Variants in RBMS3 observed in about 807,000 individuals in gnomAD.
RBMS3 encodes the protein RNA binding motif single stranded interacting protein 3, also known as RNA-binding motif, single-stranded-interacting protein 3.
In RBMS3, 27 loss-of-function variants were observed where a neutral mutation model predicts 66.8. That is an observed-to-expected ratio of 0.40 (90% CI 0.30 to 0.56). The LOEUF is 0.56. RBMS3 is among the 20% of genes least tolerant of loss of function. The pLI is 0.40. For missense variants in RBMS3, 513 were observed against 549.5 expected, an observed-to-expected ratio of 0.93 and a Z score of 0.66; for synonymous variants, 188 against 183.0, an observed-to-expected ratio of 1.03 and a Z score of -0.22.
chr3:29,710,977 G>A (rs56243927), intron 4 of RBMS3, among the ~76,000 whole-genome samples: 30,935 of 151,960 alleles, frequency 0.2, 3,847 homozygotes, highest in South Asian at 0.3. Flanking sequence ...ACTGTTCCAC[G>A]CATTAAATAT....
At chr3:29,721,160 A>G (rs1361740415) in intron 4 of RBMS3, among the ~76,000 whole-genome samples, 1 of 152,164 alleles carries the variant, frequency 6.6e-6, no homozygotes, top group Non-Finnish European at 1.5e-5. Flanking sequence ...TTTTGGTTAT[A>G]CAAGTTAGCT....
intron 2 of RBMS3, among the ~76,000 whole-genome samples, chr3:29,459,884 G>A (rs1350043677): frequency 2.0e-5 from 3 of 152,194 alleles, no homozygotes; most frequent in Non-Finnish European, 1.5e-5. Context: ...GTTAGAGTGT[G>A]CATTGAAACA....
intron 4 of RBMS3, among the ~76,000 whole-genome samples, chr3:29,655,299 G>T (rs1245317698): frequency 6.6e-6 from 1 of 152,160 alleles, no homozygotes; most frequent in East Asian, 1.9e-4. Context: ...AGTTATAAAA[G>T]AAGAAACTAG....
At chr3:29,484,075 C>T (rs2043236295) in intron 2 of RBMS3, among the ~76,000 whole-genome samples, 1 of 152,192 alleles carries the variant, frequency 6.6e-6, no homozygotes, top group Non-Finnish European at 1.5e-5. Context: ...TGTTATCATA[C>T]ACAAATGTTA....
intron 3 of RBMS3, among the ~76,000 whole-genome samples, chr3:29,572,487 A>AT (rs1055900739): frequency 2.0e-5 from 3 of 152,130 alleles, no homozygotes; most frequent in East Asian, 3.9e-4. Flanking sequence ...GAGATGTTCA[A>AT]TTTTTTCAAA....
chr3:29,555,610 A>G (rs2046332099), intron 3 of RBMS3, among the ~76,000 whole-genome samples: 1 of 152,212 alleles, frequency 6.6e-6, no homozygotes, highest in Admixed American at 6.5e-5. Context: ...ATCAAAATGC[A>G]AAATAGAATC....
chr3:29,497,419 T>C (rs952792359), intron 3 of RBMS3, among the ~76,000 whole-genome samples: 17 of 152,260 alleles, frequency 1.1e-4, no homozygotes, highest in African/African-American at 3.9e-4. Context: ...TACTAATCCA[T>C]GTTATCTGAC....
chr3:29,728,440 T>G (rs1387420520), intron 4 of RBMS3, among the ~76,000 whole-genome samples: 1 of 152,148 alleles, frequency 6.6e-6, no homozygotes, highest in Non-Finnish European at 1.5e-5. Flanking sequence ...GACATTCTTT[T>G]AAAATAAAAA....
intron 1 of RBMS3, among the ~76,000 whole-genome samples, chr3:29,415,033 A>G (rs566612023): frequency 6.6e-6 from 1 of 152,336 alleles, no homozygotes; most frequent in South Asian, 2.1e-4. Flanking sequence ...TGAGAAGGAC[A>G]ATTCCCAGAC....
intron 4 of RBMS3, among the ~76,000 whole-genome samples, chr3:29,688,371 A>G (rs1231964694): frequency 6.6e-6 from 1 of 152,020 alleles, no homozygotes; most frequent in African/African-American, 2.4e-5. Context: ...GTCAGTTTAG[A>G]AGAGGGCAAA....
At chr3:29,637,335 T>C (rs1440509) in intron 4 of RBMS3, among the ~76,000 whole-genome samples, 11,920 of 151,834 alleles carry the variant, frequency 0.079, 825 homozygotes, top group East Asian at 0.35. Context: ...CCTTAGTTGA[T>C]ATGCTCTACC....
intron 6 of RBMS3, among the ~76,000 whole-genome samples, chr3:29,865,224 G>A (rs746512780): frequency 1.3e-5 from 2 of 152,120 alleles, no homozygotes; most frequent in African/African-American, 2.4e-5. Flanking sequence ...TGCCCCCAAA[G>A]TATGTGTTAA....
At chr3:29,980,689 A>T (rs1453911498) in intron 12 of RBMS3, among the ~76,000 whole-genome samples, 1 of 152,174 alleles carries the variant, frequency 6.6e-6, no homozygotes, top group Non-Finnish European at 1.5e-5. Context: ...TTAAATAGGG[A>T]ATCCTTTCCC....
intron 6 of RBMS3, among the ~76,000 whole-genome samples, chr3:29,801,829 C>A (rs1188035157): frequency 4.6e-5 from 7 of 152,058 alleles, no homozygotes; most frequent in African/African-American, 1.7e-4. Context: ...TCAAATTATA[C>A]CACTTCTCTT....
chr3:29,754,696 C>T (rs2055329703), intron 5 of RBMS3, among the ~76,000 whole-genome samples: 1 of 152,178 alleles, frequency 6.6e-6, no homozygotes, highest in Non-Finnish European at 1.5e-5. Context: ...AGCCTAGATT[C>T]ATGTTGCCCT....
At chr3:29,833,839 C>A (rs2058435079) in intron 6 of RBMS3, among the ~76,000 whole-genome samples, 2 of 151,920 alleles carry the variant, frequency 1.3e-5, no homozygotes, top group Admixed American at 1.3e-4. Flanking sequence ...GATCAAAAGC[C>A]TCCAAACGGA....
chr3:29,619,785 C>A (rs559768915), intron 4 of RBMS3, among the ~76,000 whole-genome samples: 54 of 152,202 alleles, frequency 3.5e-4, no homozygotes, highest in Non-Finnish European at 6.2e-4. Context: ...AACTTTTATA[C>A]CTCCTGTTAA....
At chr3:29,814,399 A>AT (rs1559699411) in intron 6 of RBMS3, among the ~76,000 whole-genome samples, 1 of 151,920 alleles carries the variant, frequency 6.6e-6, no homozygotes, top group African/African-American at 2.4e-5. Context: ...TTTATTGAGG[A>AT]TTTTTGCATC....
chr3:29,904,667 T>A (rs147208028), intron 10 of RBMS3, among the ~76,000 whole-genome samples: 3 of 152,044 alleles, frequency 2.0e-5, no homozygotes, highest in African/African-American at 7.2e-5. Flanking sequence ...TATTTTCAAA[T>A]TGCCTTTTAG....
Sources: allele counts gnomAD v4.1 joint callset (sites outside exome capture counted in the v4.1 genomes callset), GRCh38; gene constraint gnomAD v4.1.1; transcripts MANE v1.5; gene names NCBI Gene and HGNC (gene_info 2026-07-23, HGNC 2026-07-21).